Variants in ZNF76 observed in about 807,000 individuals in gnomAD.
ZNF76 encodes the protein zinc finger protein 76.
A neutral mutation model predicts 66.9 loss-of-function variants in ZNF76; 66 were observed. That is an observed-to-expected ratio of 0.99 (90% CI 0.81 to 1.21). ZNF76 has a LOEUF of 1.21. Ranked by LOEUF, ZNF76 falls within the 50% of genes most tolerant of loss-of-function variation. The pLI, the probability that ZNF76 is intolerant of heterozygous loss-of-function variation, is 0.00. For missense variants in ZNF76, 729 were observed against 760.3 expected (o/e 0.96, Z 0.48); for synonymous variants, 275 against 296.1 (o/e 0.93, Z 0.73).
At chr6:35,264,273 C>T (rs935309302) in intron 1 of ZNF76, among the ~76,000 whole-genome samples, 2 of 152,192 alleles carry the variant, frequency 1.3e-5, no homozygotes, top group Non-Finnish European at 2.9e-5. Context: ...AATTTAGACA[C>T]TTCCTTTTTT....
At chr6:35,294,028 C>T (rs1299575678) in intron 12 of ZNF76, 113 bp downstream of exon 12, 1 of 1,322,746 alleles carries the variant, frequency 7.6e-7, no homozygotes, top group Non-Finnish European at 1.0e-6. Context: ...AAAGATTCCC[C>T]ACAAAAGAAG....
chr6:35,286,461 C>A, intron 4 of ZNF76, 62 bp downstream of exon 4: 3 of 1,508,198 alleles, frequency 2.0e-6, no homozygotes, highest in Non-Finnish European at 2.7e-6. Context: ...GATGGGGTGG[C>A]AGGACTGGAG....
chr6:35,283,395 CTCTG>C (rs1789072841), intron 2 of ZNF76, among the ~76,000 whole-genome samples: 2 of 152,196 alleles, frequency 1.3e-5, no homozygotes, highest in South Asian at 4.1e-4. Context: ...GCATTTTTGT[CTCTG>C]TCTGCTGGAA....
chr6:35,293,701 A>G (rs778769270), intron 11 of ZNF76, 50 bp from the exon 12 acceptor site: 1 of 1,595,320 alleles, frequency 6.3e-7, no homozygotes, highest in Admixed American at 1.7e-5. Flanking sequence ...AGGGACTTTC[A>G]GACAACCCTC....
intron 5 of ZNF76, chr6:35,288,083 T>C (rs1562122452): frequency 1.5e-6 from 1 of 684,336 alleles, no homozygotes; most frequent in South Asian, 1.5e-5. Context: ...CTGTTTACGC[T>C]CACTTTTGTT....
intron 1 of ZNF76, among the ~76,000 whole-genome samples, chr6:35,272,689 AG>A (rs1180718354): frequency 6.6e-6 from 1 of 152,214 alleles, no homozygotes; most frequent in African/African-American, 2.4e-5. Context: ...CACAGGTTGA[AG>A]TGCAGTGGCA....
chr6:35,273,722 CAAAAAAA>C (rs35149897), intron 1 of ZNF76, among the ~76,000 whole-genome samples: 1 of 130,156 alleles, frequency 7.7e-6, no homozygotes, highest in South Asian at 2.5e-4. Context: ...CTCCATCTCA[CAAAAAAA>C]AAAAAAAAAG....
intron 1 of ZNF76, among the ~76,000 whole-genome samples, chr6:35,264,259 C>T (rs901226221): frequency 1.3e-5 from 2 of 152,180 alleles, no homozygotes; most frequent in Non-Finnish European, 2.9e-5. Context: ...ATTTAAACGT[C>T]GGTAATTTAG....
chr6:35,283,068 G>T (rs994203586), intron 2 of ZNF76, among the ~76,000 whole-genome samples: 1 of 152,192 alleles, frequency 6.6e-6, no homozygotes, highest in African/African-American at 2.4e-5. Context: ...GACCCAGTTA[G>T]TTCCCGTGCC....
At position 35,292,011 on chromosome 6, in the gene ZNF76, A is replaced by G. The variant is rs931830791; in HGVS notation, c.931+274A>G. 15 of 534,112 alleles carry G rather than the reference A, an allele frequency of 2.8e-5. No individual in the cohort carries two copies. In the Middle Eastern group the frequency reaches 1.4e-3, roughly 51 times the overall value. The allele number at this position is 534,112 out of a possible 1,614,324, so 33.1% of individuals were successfully genotyped here. A position where few individuals can be genotyped will look rare whatever the true frequency, so the allele number is the denominator to read the frequency against. ...CTCTACACCCACCCTGAGTTCTCCA[A>G]CTCTGACTGAACTCTTGAAAAGAGG... On this transcript the variant is annotated intron_variant, in intron 9 of 13. Coordinates refer to ENST00000373953, the MANE Select transcript of ZNF76 (RefSeq NM_003427.5). This position sits in a 1 kb window ranked among gnomAD's most constrained non-coding sequence, Gnocchi z 4.7.
chr6:35,273,650 G>A (rs1457085484), intron 1 of ZNF76, among the ~76,000 whole-genome samples: 1 of 150,500 alleles, frequency 6.6e-6, no homozygotes, highest in African/African-American at 2.4e-5. Flanking sequence ...GCATGGTGGT[G>A]CATGCCTGTA....
chr6:35,291,843 GTGCCAGCCATTCCA>G, intron 9 of ZNF76, 106 bp downstream of exon 9: 1 of 1,385,760 alleles, frequency 7.2e-7, no homozygotes, highest in Non-Finnish European at 9.9e-7. Context: ...GAACCCTTCT[GTGCCAGCCATTCCA>G]GGCTGGTCTG....
At position 35,295,266 on chromosome 6, in the gene ZNF76, C is replaced by T; in HGVS notation, c.*18C>T. 1 of 1,577,002 alleles carries T rather than the reference C, an allele frequency of 6.3e-7. No individual in the cohort carries two copies. On this transcript the variant is annotated 3_prime_UTR_variant, in exon 14 of 14. Coordinates refer to ENST00000373953, the MANE Select transcript of ZNF76 (RefSeq NM_003427.5). ...GCTGCTGAGTCCAAGAGGGCTGGGT[C>T]CCACACCATGCTGGAGGAAGTGCCA...
intron 2 of ZNF76, among the ~76,000 whole-genome samples, chr6:35,283,164 A>G (rs1189125575): frequency 6.6e-6 from 1 of 152,206 alleles, no homozygotes; most frequent in Non-Finnish European, 1.5e-5. Flanking sequence ...CTCTTTCCTT[A>G]TATCTATCCT....
chr6:35,293,712 C>A, intron 11 of ZNF76, 39 bp from the exon 12 acceptor site: 2 of 1,606,704 alleles, frequency 1.2e-6, no homozygotes, highest in South Asian at 2.2e-5. Flanking sequence ...GACAACCCTC[C>A]ACTGACACTG....
intron 1 of ZNF76, chr6:35,270,501 T>G (rs1786881270): frequency 6.6e-6 from 1 of 152,184 alleles, no homozygotes; most frequent in South Asian, 2.1e-4. Flanking sequence ...CACCACTCAG[T>G]CATCCTTCCA....
chr6:35,282,480 G>A (rs1237828597), intron 2 of ZNF76, among the ~76,000 whole-genome samples: 2 of 152,162 alleles, frequency 1.3e-5, no homozygotes, highest in Non-Finnish European at 1.5e-5. Flanking sequence ...TAGGTGTGGA[G>A]TCAGAATAAA....
At chr6:35,285,460 A>G (rs1465836555) in intron 2 of ZNF76, among the ~76,000 whole-genome samples, 6 of 152,214 alleles carry the variant, frequency 3.9e-5, no homozygotes, top group African/African-American at 1.4e-4. Flanking sequence ...AGTTTTTTAT[A>G]TTCGTTAACT....
chr6:35,282,943 T>C lies in ZNF76; in HGVS notation c.73+1719T>C, dbSNP rs1267502001. On this transcript the variant is annotated intron_variant, in intron 2 of 13. Transcript: ENST00000373953. ...AGAACGCAACTTCTCTAGAATGCTT[T>C]TGAAGCCTGAAACTCTCTGTTTGCA... 2.6e-5 allele frequency among the ~76,000 whole-genome samples: 4 copies of C among 152,314 alleles called. No homozygotes were observed. The East Asian group carries it at 7.7e-4, about 29-fold the overall frequency.
Sources: allele counts gnomAD v4.1 joint callset (sites outside exome capture counted in the v4.1 genomes callset), GRCh38; gene constraint gnomAD v4.1.1; non-coding constraint Gnocchi (gnomAD v3.1); transcripts MANE v1.5; gene names NCBI Gene and HGNC (gene_info 2026-07-23, HGNC 2026-07-21).